Variants in INPP5F observed in about 807,000 individuals in gnomAD.
The protein encoded by INPP5F is phosphatidylinositide 4-phosphatase SAC2.
In INPP5F, 97 loss-of-function variants were observed where a neutral mutation model predicts 137.2. That is an observed-to-expected ratio of 0.71 (90% CI 0.60 to 0.84). The LOEUF is 0.84. Ranked by LOEUF, INPP5F falls within the 40% of genes least tolerant of loss-of-function variation. INPP5F has a pLI of 0.00. For synonymous variants in INPP5F, 504 were observed against 476.9 expected (o/e 1.06, Z -0.74); for missense variants, 1,271 against 1,371.9 (o/e 0.93, Z 1.16).
rs1564861435 is a variant in INPP5F, at chr10:119,828,323, TTC to T, written c.*546_*547del. The T allele has an allele frequency of 6.5e-6, 1 of 152,846 alleles. No individual in the cohort carries two copies. Among genetic ancestry groups the T allele is most frequent in the East Asian group, 1.9e-4 (1 of 5,212 alleles). The allele number at this position is 152,846 out of a possible 1,614,324, so 9.5% of individuals were successfully genotyped here. A position where few individuals can be genotyped will look rare whatever the true frequency, so the allele number is the denominator to read the frequency against. The stretch of plus-strand genomic sequence containing the variant: ...GGGTTATTGACACTAGAGAAATGAA[TTC>T]TCATTTGATCCTAATTTTCCCCGTA... On this transcript the variant is annotated 3_prime_UTR_variant, in exon 20 of 20. Transcript: ENST00000650623.
At chr10:119,754,426 CTT>C (rs1848776329) in intron 2 of INPP5F, among the ~76,000 whole-genome samples, 2 of 152,110 alleles carry the variant, frequency 1.3e-5, no homozygotes, top group Non-Finnish European at 2.9e-5. Flanking sequence ...CCTTGCCATT[CTT>C]TGGTCCCAAA....
chr10:119,809,220 C>CT (rs1850925819), intron 13 of INPP5F, among the ~76,000 whole-genome samples: 1 of 120,074 alleles, frequency 8.3e-6, no homozygotes, highest in South Asian at 3.2e-4. Context: ...GAGCGAGACT[C>CT]TGTCTCAAAA....
chr10:119,814,711 A>G (rs931885317), intron 15 of INPP5F: 1 of 152,246 alleles, frequency 6.6e-6, no homozygotes, highest in Non-Finnish European at 1.5e-5. Flanking sequence ...ATGATGGACA[A>G]TGAAACCTTT....
chr10:119,770,381 C>G (rs928736479), intron 2 of INPP5F, among the ~76,000 whole-genome samples: 1 of 152,130 alleles, frequency 6.6e-6, no homozygotes, highest in Non-Finnish European at 1.5e-5. Flanking sequence ...AATACATAGC[C>G]TGCTTTGGTG....
chr10:119,762,095 A>G (rs189293472), intron 2 of INPP5F, among the ~76,000 whole-genome samples: 1 of 152,294 alleles, frequency 6.6e-6, no homozygotes, highest in Non-Finnish European at 1.5e-5. Context: ...GTATTTTTCA[A>G]TCTGCATTTG....
chr10:119,747,229 AT>A (rs1051492141), intron 1 of INPP5F, among the ~76,000 whole-genome samples: 136 of 146,110 alleles, frequency 9.3e-4, no homozygotes, highest in African/African-American at 1.8e-3. Context: ...AAAATTATTA[AT>A]TTTTTTTTTT....
At chr10:119,781,006 G>C (rs1326040816) in intron 2 of INPP5F, among the ~76,000 whole-genome samples, 1 of 152,138 alleles carries the variant, frequency 6.6e-6, no homozygotes, top group Non-Finnish European at 1.5e-5. Flanking sequence ...TCTACTAAGT[G>C]CATCCAGGAA....
At chr10:119,797,410 CTAAA>C in intron 7 of INPP5F, 47 bp from the exon 8 acceptor site, 2 of 1,396,018 alleles carry the variant, frequency 1.4e-6, no homozygotes, top group African/African-American at 1.4e-5. Flanking sequence ...TCTAGCCAGA[CTAAA>C]TAAATTTTTT....
intron 3 of INPP5F, among the ~76,000 whole-genome samples, chr10:119,783,330 C>T (rs796237102): frequency 8.5e-5 from 13 of 152,272 alleles, no homozygotes; most frequent in African/African-American, 3.1e-4. Flanking sequence ...TGAGGGTGGG[C>T]ACCCCTTTGG....
intron 9 of INPP5F, among the ~76,000 whole-genome samples, chr10:119,798,910 C>T: frequency 6.6e-6 from 1 of 151,336 alleles, no homozygotes; most frequent in Non-Finnish European, 1.5e-5. Flanking sequence ...GGACTGCAGG[C>T]ATGTGCCACT....
At chr10:119,760,540 C>T (rs1848981319) in intron 2 of INPP5F, among the ~76,000 whole-genome samples, 1 of 152,196 alleles carries the variant, frequency 6.6e-6, no homozygotes, top group Non-Finnish European at 1.5e-5. Context: ...TTTATTTCCT[C>T]CTTTGTATTA....
At chr10:119,798,641 C>T (rs1272735694) in intron 9 of INPP5F, 31 bp downstream of exon 9, 2 of 1,443,520 alleles carry the variant, frequency 1.4e-6, no homozygotes, top group Non-Finnish European at 9.7e-7. Context: ...GTAAAATGTT[C>T]CTTCATCTTT....
At chr10:119,745,451 C>G (rs1223353177) in intron 1 of INPP5F, among the ~76,000 whole-genome samples, 1 of 151,706 alleles carries the variant, frequency 6.6e-6, no homozygotes, top group Non-Finnish European at 1.5e-5. Flanking sequence ...CTCCCAATCT[C>G]CACCTCTTTT....
chr10:119,825,019 T>C (rs1851705779), intron 19 of INPP5F, among the ~76,000 whole-genome samples: 1 of 152,232 alleles, frequency 6.6e-6, no homozygotes, highest in South Asian at 2.1e-4. Flanking sequence ...TATCAATTAC[T>C]CTTTAACCTT....
intron 15 of INPP5F, among the ~76,000 whole-genome samples, chr10:119,813,936 A>G (rs1851150229): frequency 6.6e-6 from 1 of 152,130 alleles, no homozygotes; most frequent in African/African-American, 2.4e-5. Context: ...TCTTTTCTTC[A>G]TTAACATGAT....
chr10:119,825,884 C>G lies in INPP5F; in HGVS notation c.2250-747C>G, dbSNP rs1472102176. On this transcript the variant is annotated intron_variant, in intron 19 of 19. Coordinates refer to ENST00000650623, the MANE Select transcript of INPP5F (RefSeq NM_014937.4). ...TCATGATCAGTGATCTTGCATGATCCAACAGTACAAATGCACACACTGAGA... is the reference window on the plus strand; with the variant it reads ...TCATGATCAGTGATCTTGCATGATCGAACAGTACAAATGCACACACTGAGA... 3.5e-5 allele frequency: 14 copies of G among 397,958 alleles called. No homozygotes were observed. In the East Asian group the frequency reaches 5.0e-4, roughly 14 times the overall value. 24.7% of individuals were successfully genotyped at this position (397,958 alleles called of 1,614,324 possible). A position where few individuals can be genotyped will look rare whatever the true frequency, so the allele number is the denominator to read the frequency against.
Position 119,804,217 on chromosome 10 carries a change from T to C in INPP5F, c.1161T>C (p.Ile387=), listed in dbSNP as rs1373586072. 6.2e-7 allele frequency: 1 copy of C among 1,611,606 alleles called. No homozygotes were observed. Among genetic ancestry groups the C allele is most frequent in the Non-Finnish European group, 8.5e-7 (1 of 1,178,146 alleles). Reference sequence around the variant, plus strand: ...ACCAGGCAGGAAGAGAGAAGATTATTGGCGATGCTTACCTGAAGCAAGTGT... The same window carrying C: ...ACCAGGCAGGAAGAGAGAAGATTATCGGCGATGCTTACCTGAAGCAAGTGT... ...LVDQAGREKI[I]GDAYLKQVLL... is the part of the protein sequence containing the mutation. Residue 387 remains isoleucine (I), a synonymous_variant, in exon 10 of 20, where the codon ATT becomes ATC. Coordinates refer to ENST00000650623, the MANE Select transcript of INPP5F (RefSeq NM_014937.4).
chr10:119,815,547 G>T (rs191759945), intron 15 of INPP5F: 13 of 220,122 alleles, frequency 5.9e-5, no homozygotes, highest in African/African-American at 1.6e-4. Flanking sequence ...ATTGTTGGTT[G>T]TGAAAATGTT....
intron 9 of INPP5F, among the ~76,000 whole-genome samples, chr10:119,801,960 G>A (rs2134235218): frequency 6.6e-6 from 1 of 152,284 alleles, no homozygotes; most frequent in African/African-American, 2.4e-5. Flanking sequence ...TACCCCAACA[G>A]TGTTCATTTA....
Sources: gnomAD v4.1 joint callset for allele counts (sites outside exome capture counted in the v4.1 genomes callset) on GRCh38, gnomAD v4.1.1 for gene constraint, MANE v1.5 for transcripts, NCBI Gene and HGNC (gene_info 2026-07-23, HGNC 2026-07-21) for gene names.